The following MAOB variants were observed in gnomAD, a reference collection of about 807,000 sequenced individuals.
The protein encoded by MAOB is amine oxidase [flavin-containing] B.
A neutral mutation model predicts 41.9 loss-of-function variants in MAOB; 15 were observed. The observed-to-expected ratio is 0.36, with a 90% CI of 0.24 to 0.55. The LOEUF (loss-of-function observed/expected upper bound fraction) is 0.55. Ranked by LOEUF, MAOB falls within the 20% of genes least tolerant of loss-of-function variation. The pLI, the probability that MAOB is intolerant of heterozygous loss-of-function variation, is 0.86. For synonymous variants in MAOB, 167 were observed against 144.2 expected (o/e 1.16, Z -1.13); for missense variants, 345 against 398.7 (o/e 0.87, Z 1.15).
At chrX:43,788,626 C>G (rs764444311) in intron 8 of MAOB, among the ~76,000 whole-genome samples, 65 of 111,305 alleles carry the variant, frequency 5.8e-4, no homozygotes, top group African/African-American at 2.0e-3. Flanking sequence ...TCTGATAAGG[C>G]ACACAATGAG....
intron 3 of MAOB, among the ~76,000 whole-genome samples, chrX:43,837,259 T>G (rs1483869375): frequency 8.9e-6 from 1 of 112,834 alleles, no homozygotes; most frequent in Non-Finnish European, 1.9e-5. Flanking sequence ...TTGATTGATG[T>G]TCAACAAATC....
At chrX:43,770,287 T>C (rs894815696) in intron 12 of MAOB, among the ~76,000 whole-genome samples, 2 of 111,627 alleles carry the variant, frequency 1.8e-5, no homozygotes, top group Admixed American at 1.9e-4. Context: ...GTTCTGGAAC[T>C]TCCTCTGGGG....
In MAOB at chrX:43,766,776, T is replaced by C. The variant is rs1476150568; in HGVS notation, c.*690A>G. 8.9e-6 allele frequency: 1 copy of C among 111,837 alleles called. No homozygotes were observed. Among genetic ancestry groups the C allele is most frequent in the Non-Finnish European group, 1.9e-5 (1 of 53,205 alleles). 9.2% of individuals were successfully genotyped at this position (111,837 alleles called of 1,213,427 possible). A position where few individuals can be genotyped will look rare whatever the true frequency, so the allele number is the denominator to read the frequency against. On this transcript the variant is annotated 3_prime_UTR_variant, in exon 15 of 15. Transcript: ENST00000378069. Reference sequence around the variant, plus strand: ...AACAGTAAGACTTAAGGCTATATACTGAGTAGCATTTGAGAAGTGTAAGAC... The same window carrying C: ...AACAGTAAGACTTAAGGCTATATACCGAGTAGCATTTGAGAAGTGTAAGAC...
At chrX:43,803,520 T>C (rs1328111761) in intron 3 of MAOB, 116 bp from the exon 4 acceptor site, 1 of 983,997 alleles carries the variant, frequency 1.0e-6, no homozygotes, top group African/African-American at 2.0e-5. Context: ...ATATGTGATA[T>C]ACACTCAACT....
At chrX:43,776,846 TG>T (rs1270793159) in intron 11 of MAOB, among the ~76,000 whole-genome samples, 2 of 100,830 alleles carry the variant, frequency 2.0e-5, no homozygotes, top group African/African-American at 7.3e-5. Flanking sequence ...CACCTATGAG[TG>T]AGAACATGCA....
At chrX:43,872,890 T>A (rs2035416989) in intron 1 of MAOB, among the ~76,000 whole-genome samples, 1 of 112,271 alleles carries the variant, frequency 8.9e-6, no homozygotes, top group Admixed American at 9.4e-5. Context: ...CCATTTTCTA[T>A]AATTTACAGA....
chrX:43,798,303 C>T (rs759846521), intron 5 of MAOB, among the ~76,000 whole-genome samples: 1 of 112,129 alleles, frequency 8.9e-6, no homozygotes, highest in Non-Finnish European at 1.9e-5. Flanking sequence ...TTACTTGTTG[C>T]ATGATTGAAC....
At chrX:43,797,357 G>T (rs2034541647) in intron 5 of MAOB, 91 bp from the exon 6 acceptor site, 2 of 774,856 alleles carry the variant, frequency 2.6e-6, no homozygotes, top group Non-Finnish European at 1.7e-6. Flanking sequence ...CATTTTCTTG[G>T]TTAAGTTTAA....
At chrX:43,832,828 T>C (rs1214802269) in intron 3 of MAOB, among the ~76,000 whole-genome samples, 1 of 111,374 alleles carries the variant, frequency 9.0e-6, no homozygotes, top group Non-Finnish European at 1.9e-5. Flanking sequence ...CAGAAAACTG[T>C]TTATCCTACT....
chrX:43,780,404 T>C lies in MAOB; in HGVS notation c.1026-9A>G, dbSNP rs777490155. 7 of 1,176,195 alleles carry C rather than the reference T, an allele frequency of 6.0e-6. No homozygotes were observed. The highest frequency in any genetic ancestry group is 8.1e-6 in the Non-Finnish European group (7 of 866,851). On this transcript the variant is annotated splice_polypyrimidine_tract_variant and intron_variant, in intron 9 of 14. Coordinates refer to ENST00000378069, the MANE Select transcript of MAOB (RefSeq NM_000898.5). ...TGTGGGCCAGGATAAATCTAAAGAA[T>C]ATAAACAAGAAAAAGGGGAGAAATT... is the stretch of plus-strand genomic sequence containing the variant.
In MAOB at chrX:43,780,346, C is replaced by T; in HGVS notation, c.1075G>A (p.Glu359Lys). The part of the protein sequence containing the change: ...ARKLARLTKE[E>K]RLKKLCELYA... ...AAGCAGCATTTCTTTTGTTACCTTTCCTCTTTGGTAAGACGTGCCAGTTTT... is the reference window on the plus strand; with the variant it reads ...AAGCAGCATTTCTTTTGTTACCTTTTCTCTTTGGTAAGACGTGCCAGTTTT... The change falls in exon 10 of 15, where the codon GAA becomes AAA. Residue 359 changes from glutamate (E) to lysine (K), a missense_variant. By Grantham distance (56) the Glu-to-Lys change is moderately conservative. Transcript: ENST00000378069. 8.3e-7 allele frequency: 1 copy of T among 1,203,107 alleles called. No homozygotes were observed. Among genetic ancestry groups the T allele is most frequent in the African/African-American group, 1.7e-5 (1 of 57,584 alleles).
intron 3 of MAOB, among the ~76,000 whole-genome samples, chrX:43,824,216 A>G (rs1046602420): frequency 8.9e-6 from 1 of 112,521 alleles, no homozygotes; most frequent in Non-Finnish European, 1.9e-5. Flanking sequence ...AAGTAATAGA[A>G]CAGATTGTGA....
Position 43,775,363 on chromosome X carries a change from T to C in MAOB, c.1138-91A>G. 4.5e-6 allele frequency: 5 copies of C among 1,115,297 alleles called. No individual in the cohort carries two copies. The South Asian group carries it at 1.1e-4, about 25-fold the overall frequency. 91.9% of individuals were successfully genotyped at this position (1,115,297 alleles called of 1,213,427 possible). ...GAACAGTTTAGTAGGCTTTGTATTG[T>C]CAAACCAATGTATTTCGGAAATAGA... On this transcript the variant is annotated intron_variant, in intron 11 of 14. Coordinates refer to ENST00000378069, the MANE Select transcript of MAOB (RefSeq NM_000898.5).
intron 8 of MAOB, among the ~76,000 whole-genome samples, chrX:43,784,890 G>A (rs933764162): frequency 1.8e-5 from 2 of 112,412 alleles, no homozygotes; most frequent in Admixed American, 1.9e-4. Context: ...GCTCTTGCCT[G>A]TAATCCTAGC....
chrX:43,805,891 A>G (rs979308181), intron 3 of MAOB, among the ~76,000 whole-genome samples: 4 of 112,492 alleles, frequency 3.6e-5, no homozygotes, highest in Admixed American at 1.9e-4. Context: ...ACAGCAATGC[A>G]TGAAAGTTCT....
At chrX:43,831,777 C>G (rs1227084944) in intron 3 of MAOB, among the ~76,000 whole-genome samples, 1 of 110,929 alleles carries the variant, frequency 9.0e-6, no homozygotes, top group Non-Finnish European at 1.9e-5. Flanking sequence ...GATATTAGTT[C>G]CTGAGGGAAC....
rs1372395703 is a variant in MAOB at position 43,782,128 on chromosome X, TA to T, written c.929-585del. On this transcript the variant is annotated intron_variant, in intron 8 of 14. Coordinates refer to ENST00000378069, the MANE Select transcript of MAOB (RefSeq NM_000898.5). The stretch of plus-strand genomic sequence containing the variant: ...TCAAAAGCTAGCAGAAGACAAGAAA[TA>T]ACTAAGATCAGAGCAGAACTGAAGG... 1.2e-4 allele frequency among the ~76,000 whole-genome samples: 13 copies of T among 109,403 alleles called. No individual in the cohort carries two copies. In the East Asian group the frequency reaches 2.9e-3, roughly 25 times the overall value.
chrX:43,787,496 T>C lies in MAOB; in HGVS notation c.928+5923A>G, dbSNP rs756374054. 2.7e-5 allele frequency among the ~76,000 whole-genome samples: 3 copies of C among 112,334 alleles called. No homozygotes were observed. The South Asian group carries it at 1.1e-3, about 41-fold the overall frequency. On this transcript the variant is annotated intron_variant, in intron 8 of 14. Transcript: ENST00000378069. Reference sequence around the variant, plus strand: ...ACTTGTGCTTTCCAAAGTGGGGGTGTACACCTAGATTGCACATCTAGATAG... The same window carrying C: ...ACTTGTGCTTTCCAAAGTGGGGGTGCACACCTAGATTGCACATCTAGATAG...
intron 1 of MAOB, among the ~76,000 whole-genome samples, chrX:43,871,912 C>T: frequency 9.0e-6 from 1 of 110,871 alleles, no homozygotes; most frequent in East Asian, 2.9e-4. Context: ...AACTCTATCA[C>T]AGGATTTGAA....
Sources: gnomAD v4.1 joint callset for allele counts (sites outside exome capture counted in the v4.1 genomes callset) on GRCh38, gnomAD v4.1.1 for gene constraint, MANE v1.5 for transcripts, NCBI Gene and HGNC (gene_info 2026-07-23, HGNC 2026-07-21) for gene names.